The following TP63 variants were observed in gnomAD, a reference collection of about 807,000 sequenced individuals.
TP63 encodes tumor protein 63.
In TP63, 17 loss-of-function variants were observed where a neutral mutation model predicts 82.8. The observed-to-expected ratio is 0.21, with a 90% confidence interval of 0.14 to 0.31. TP63 has a LOEUF of 0.31. Among genes scored for constraint, TP63 ranks in the 10% least tolerant of loss-of-function variants. TP63 has a pLI of 1.00. For missense variants in TP63, 648 were observed against 895.3 expected (o/e 0.72, Z 3.52); for synonymous variants, 330 against 321.7 (o/e 1.03, Z -0.28).
At chr3:189,613,251 G>A in the TP63 span, among the ~76,000 whole-genome samples, 1 of 152,228 alleles carries the variant, frequency 6.6e-6, no homozygotes, top group Non-Finnish European at 1.5e-5. Context: ...ACTGTGTGCA[G>A]CCTAGGGACT....
chr3:189,699,974 A>G (rs2108737619), intron 1 of TP63, among the ~76,000 whole-genome samples: 1 of 152,250 alleles, frequency 6.6e-6, no homozygotes, highest in South Asian at 2.1e-4. Flanking sequence ...GAAACAAAAG[A>G]GTTATGTGCG....
chr3:189,882,453 C>G (rs1317554625), intron 10 of TP63, among the ~76,000 whole-genome samples: 3 of 141,784 alleles, frequency 2.1e-5, no homozygotes, highest in Non-Finnish European at 4.5e-5. Context: ...TTCTGATGGT[C>G]CATGTTTTCC....
At chr3:189,757,865 CGATA>C (rs1176122468) in intron 3 of TP63, among the ~76,000 whole-genome samples, 1 of 152,004 alleles carries the variant, frequency 6.6e-6, no homozygotes, top group South Asian at 2.1e-4. Context: ...GGCAGTCTCC[CGATA>C]GATAGAAAAA....
chr3:189,750,485 C>T (rs1187010370), intron 3 of TP63, among the ~76,000 whole-genome samples: 1 of 152,180 alleles, frequency 6.6e-6, no homozygotes, highest in Non-Finnish European at 1.5e-5. Flanking sequence ...GAAATGTTCT[C>T]AACACATAGA....
rs905082225 is a variant in TP63, at chr3:189,631,413, A to G, written c.-103A>G. On this transcript the variant is annotated 5_prime_UTR_variant, in exon 1 of 14. Transcript: ENST00000264731. ...TCTATGTCTGATAGCATTTGACCCT[A>G]TTGCTTTTAGCCTCCCGGCTTTATA... 8 of 1,585,840 alleles carry G rather than the reference A, an allele frequency of 5.0e-6. No individual in the cohort carries two copies. Among genetic ancestry groups the G allele is most frequent in the Non-Finnish European group, 6.9e-6 (8 of 1,167,196 alleles).
At chr3:189,829,862 T>C in intron 4 of TP63, 1 of 372,550 alleles carries the variant, frequency 2.7e-6, no homozygotes, top group Admixed American at 3.7e-5. Flanking sequence ...ACCAGACCAA[T>C]ATAACCTTAA....
At chr3:189,801,172 A>G (rs955435392) in intron 3 of TP63, among the ~76,000 whole-genome samples, 1 of 152,180 alleles carries the variant, frequency 6.6e-6, no homozygotes, top group Non-Finnish European at 1.5e-5. Context: ...TATGCTTAAC[A>G]TAAAGATGGC....
rs147592432 is a variant in TP63, at chr3:189,884,455, C to T, written c.1350-1939C>T. Among the ~76,000 whole-genome samples, 6 of 152,282 alleles carry T rather than the reference C, an allele frequency of 3.9e-5. No individual in the cohort carries two copies. In the East Asian group the frequency reaches 1.2e-3, roughly 29 times the overall value. On this transcript the variant is annotated intron_variant, in intron 10 of 13. Transcript: ENST00000264731. ...TGCCCTCAGTGCATCCATTTAGCAA[C>T]ATGTGATCTTGGGCATATGTTTTTT... is the stretch of plus-strand genomic sequence containing the variant.
intron 4 of TP63, among the ~76,000 whole-genome samples, chr3:189,850,339 A>T (rs1005844659): frequency 6.6e-6 from 1 of 152,168 alleles, no homozygotes; most frequent in African/African-American, 2.4e-5. Flanking sequence ...AACGTAAAAA[A>T]AGTAAGTAAA....
At chr3:189,875,882 G>C (rs1257350850) in intron 10 of TP63, among the ~76,000 whole-genome samples, 1 of 151,784 alleles carries the variant, frequency 6.6e-6, no homozygotes, top group Non-Finnish European at 1.5e-5. Context: ...GTCTGAGAAA[G>C]TGAGGCATGC....
intron 3 of TP63, among the ~76,000 whole-genome samples, chr3:189,759,204 A>G (rs1722393530): frequency 6.6e-6 from 1 of 152,220 alleles, no homozygotes; most frequent in African/African-American, 2.4e-5. Context: ...ACTTGTTAAG[A>G]AATGCAAATT....
intron 1 of TP63, among the ~76,000 whole-genome samples, chr3:189,725,093 T>C (rs1393272732): frequency 1.3e-5 from 2 of 152,254 alleles, no homozygotes; most frequent in Non-Finnish European, 2.9e-5. Flanking sequence ...CAAGGTGTTA[T>C]ACCTCATTGT....
Position 189,729,258 on chromosome 3 carries a change from AATT to A in TP63, c.63-8481_63-8479del, listed in dbSNP as rs1321948978. ...AACATAAGACGTCAGAGAATTTCATAATTGAGAGAGAAAAAGGACACTCCCTCA... is the reference window on the plus strand; with the variant it reads ...AACATAAGACGTCAGAGAATTTCATAGAGAGAGAAAAAGGACACTCCCTCA... On this transcript the variant is annotated intron_variant, in intron 1 of 13. Transcript: ENST00000264731. Among the ~76,000 whole-genome samples, 3 of 152,318 alleles carry A rather than the reference AATT, an allele frequency of 2.0e-5. No homozygotes were observed. In the East Asian group the frequency reaches 5.8e-4, roughly 29 times the overall value.
the TP63 span, among the ~76,000 whole-genome samples, chr3:189,604,695 T>C: frequency 6.6e-6 from 1 of 152,196 alleles, no homozygotes; most frequent in Admixed American, 6.5e-5. Flanking sequence ...AAGTTGAGAT[T>C]GAGTTTAGAA....
intron 1 of TP63, among the ~76,000 whole-genome samples, chr3:189,679,225 A>G (rs1715705642): frequency 6.6e-6 from 1 of 152,028 alleles, no homozygotes; most frequent in Non-Finnish European, 1.5e-5. Flanking sequence ...GGTTTTCATA[A>G]TGGTTGTACC....
At chr3:189,669,592 T>C (rs553789642) in intron 1 of TP63, among the ~76,000 whole-genome samples, 1 of 152,040 alleles carries the variant, frequency 6.6e-6, no homozygotes, top group South Asian at 2.1e-4. Context: ...CCTGTGACAA[T>C]AGTGAAAGGG....
chr3:189,850,327 C>G (rs1430790414), intron 4 of TP63, among the ~76,000 whole-genome samples: 9 of 151,958 alleles, frequency 5.9e-5, no homozygotes, highest in Non-Finnish European at 1.3e-4. Flanking sequence ...AGAATTATTT[C>G]TAACGTAAAA....
At chr3:189,842,829 C>T (rs1010715042) in intron 4 of TP63, among the ~76,000 whole-genome samples, 3 of 152,146 alleles carry the variant, frequency 2.0e-5, no homozygotes, top group South Asian at 2.1e-4. Flanking sequence ...GACCTTAACA[C>T]GAGTACCTGC....
At chr3:189,887,015 C>A (rs1043309075) in intron 11 of TP63, among the ~76,000 whole-genome samples, 1 of 152,008 alleles carries the variant, frequency 6.6e-6, no homozygotes, top group Admixed American at 6.6e-5. Context: ...TCGAGACCAA[C>A]CTGGCCAACA....
Sources: allele counts gnomAD v4.1 joint callset (sites outside exome capture counted in the v4.1 genomes callset), GRCh38; gene constraint gnomAD v4.1.1; transcripts MANE v1.5; gene names NCBI Gene and HGNC (gene_info 2026-07-23, HGNC 2026-07-21).